Variants in PDE8A observed in about 807,000 individuals in gnomAD.
PDE8A encodes phosphodiesterase 8A.
A neutral mutation model predicts 105.0 loss-of-function variants in PDE8A; 59 were observed. That is an observed-to-expected ratio of 0.56 (90% CI 0.46 to 0.70). The LOEUF (loss-of-function observed/expected upper bound fraction) is 0.70, where lower values mean the gene tolerates loss of function less well. PDE8A is among the 30% of genes least tolerant of loss of function. The probability of loss-of-function intolerance (pLI) is 0.00; values close to 1 mark genes in which losing one functional copy is unlikely to be tolerated. For missense variants in PDE8A, 1,014 were observed against 1,045.9 expected (o/e 0.97, Z 0.42); for synonymous variants, 355 against 371.9 (o/e 0.95, Z 0.52).
intron 20 of PDE8A, among the ~76,000 whole-genome samples, chr15:85,135,002 G>T (rs1332299262): frequency 6.6e-6 from 1 of 152,180 alleles, no homozygotes; most frequent in Non-Finnish European, 1.5e-5. Flanking sequence ...CTGCGGTGGG[G>T]GGAGAGAGAT....
intron 1 of PDE8A, among the ~76,000 whole-genome samples, chr15:85,047,902 T>A (rs1475207081): frequency 1.3e-5 from 2 of 152,202 alleles, no homozygotes; most frequent in Non-Finnish European, 2.9e-5. Flanking sequence ...ATTTAAACAA[T>A]TCATTATTGT....
intron 1 of PDE8A, among the ~76,000 whole-genome samples, chr15:85,030,113 A>G (rs1053929294): frequency 2.0e-5 from 3 of 151,874 alleles, no homozygotes; most frequent in Non-Finnish European, 2.9e-5. Context: ...TTGAGCTCCA[A>G]CCTCCCTTTG....
At chr15:85,053,516 C>T (rs1271040934) in intron 1 of PDE8A, among the ~76,000 whole-genome samples, 1 of 152,160 alleles carries the variant, frequency 6.6e-6, no homozygotes, top group Non-Finnish European at 1.5e-5. Context: ...GTTTGTAGTT[C>T]TCCTTGAAGA....
In PDE8A at chr15:85,016,943, A is replaced by C. The variant is rs576051394; in HGVS notation, c.186+34595A>C. Among the ~76,000 whole-genome samples, 18 of 149,066 alleles carry C rather than the reference A, an allele frequency of 1.2e-4. 1 individual carries two copies. In the South Asian group the frequency reaches 1.5e-3, roughly 12 times the overall value. The stretch of plus-strand genomic sequence containing the variant: ...TTCTCTTCCATTATGTTTCTAACTG[A>C]ATTTCCCTTTTTTTTTTTTTTAATA... On this transcript the variant is annotated intron_variant, in intron 1 of 21. Coordinates refer to ENST00000394553, the MANE Select transcript of PDE8A (RefSeq NM_002605.3).
chr15:84,989,174 T>C (rs551032245), intron 1 of PDE8A, among the ~76,000 whole-genome samples: 1 of 152,216 alleles, frequency 6.6e-6, no homozygotes, highest in African/African-American at 2.4e-5. Flanking sequence ...GTCAGAGAGC[T>C]GTTTTGACAA....
intron 1 of PDE8A, among the ~76,000 whole-genome samples, chr15:85,052,999 A>G (rs1895291902): frequency 1.3e-5 from 2 of 151,992 alleles, no homozygotes; most frequent in Admixed American, 6.6e-5. Context: ...ATTTTTGCGT[A>G]AGGTGTAAGG....
Position 85,132,746 on chromosome 15 carries a change from C to T in PDE8A, c.2254-3788C>T, listed in dbSNP as rs149442603. Among the ~76,000 whole-genome samples, 26 of 152,250 alleles carry T rather than the reference C, an allele frequency of 1.7e-4. No homozygotes were observed. In the East Asian group the frequency reaches 1.7e-3, roughly 10 times the overall value. On this transcript the variant is annotated intron_variant, in intron 20 of 21. Transcript: ENST00000394553. ...TGCTAGGATTACAGGTGTGAACCACCGCACCTGGCTTGTTAGGTTACTTTT... is the reference window on the plus strand; with the variant it reads ...TGCTAGGATTACAGGTGTGAACCACTGCACCTGGCTTGTTAGGTTACTTTT...
chr15:85,120,274 C>G (rs1330811508), intron 17 of PDE8A: 1 of 152,020 alleles, frequency 6.6e-6, no homozygotes, highest in Non-Finnish European at 1.5e-5. Flanking sequence ...AGGAATTTTT[C>G]CATGTTACAT....
intron 1 of PDE8A, among the ~76,000 whole-genome samples, chr15:85,007,403 C>T (rs1443840556): frequency 6.7e-6 from 1 of 150,254 alleles, no homozygotes; most frequent in Non-Finnish European, 1.5e-5. Context: ...TGGGAGGGGA[C>T]ACAGGGCGGC....
intron 11 of PDE8A, among the ~76,000 whole-genome samples, chr15:85,108,848 TTATC>T: frequency 6.6e-6 from 1 of 152,298 alleles, no homozygotes; most frequent in Non-Finnish European, 1.5e-5. Context: ...AAGCCCTTGT[TTATC>T]TGTGCACCTG....
intron 1 of PDE8A, among the ~76,000 whole-genome samples, chr15:85,046,261 C>A (rs2080886383): frequency 6.6e-6 from 1 of 151,966 alleles, no homozygotes; most frequent in Non-Finnish European, 1.5e-5. Context: ...GTTGGCTAGG[C>A]TGGTCTTGAG....
intron 1 of PDE8A, among the ~76,000 whole-genome samples, chr15:85,013,405 T>C (rs895654699): frequency 6.6e-6 from 1 of 152,220 alleles, no homozygotes. Flanking sequence ...GTTTTTGAGA[T>C]TAACTGAGAT....
At position 85,121,998 on chromosome 15, in the gene PDE8A, C is replaced by G. The variant is rs1047717634; in HGVS notation, c.1952+984C>G. 2.0e-5 allele frequency among the ~76,000 whole-genome samples: 3 copies of G among 152,144 alleles called. No individual in the cohort carries two copies. The South Asian group carries it at 6.2e-4, about 32-fold the overall frequency. ...CTGATATCTTGAGCTCTTAGAGACT[C>G]AAAGAAGCAGTCATCTATCTCTCTC... On this transcript the variant is annotated intron_variant, in intron 18 of 21. Transcript: ENST00000394553.
At chr15:85,001,801 G>T (rs376404465) in intron 1 of PDE8A, among the ~76,000 whole-genome samples, 1 of 152,172 alleles carries the variant, frequency 6.6e-6, no homozygotes, top group African/African-American at 2.4e-5. Flanking sequence ...TTATTAAAGC[G>T]TGGGTCACTA....
chr15:85,082,038 A>G (rs1567271795), intron 5 of PDE8A, among the ~76,000 whole-genome samples: 2 of 152,086 alleles, frequency 1.3e-5, no homozygotes, highest in South Asian at 4.2e-4. Flanking sequence ...CCCCGATTCC[A>G]TGTCTCCTGG....
At chr15:85,046,699 G>A (rs541605531) in intron 1 of PDE8A, among the ~76,000 whole-genome samples, 1 of 152,228 alleles carries the variant, frequency 6.6e-6, no homozygotes, top group South Asian at 2.1e-4. Flanking sequence ...TAAAAACAAA[G>A]CAGGCAAGGG....
intron 1 of PDE8A, among the ~76,000 whole-genome samples, chr15:85,031,946 G>A (rs2080623035): frequency 6.6e-6 from 1 of 152,118 alleles, no homozygotes; most frequent in South Asian, 2.1e-4. Flanking sequence ...ATATTTTTGC[G>A]AATAACATTC....
intron 1 of PDE8A, among the ~76,000 whole-genome samples, chr15:85,010,873 T>C (rs185376922): frequency 1.8e-3 from 111 of 63,348 alleles, no homozygotes; most frequent in African/African-American, 8.6e-3. Context: ...CTTAACCTAG[T>C]TCTGTGTTTC....
chr15:85,054,434 G>C (rs1286776116), intron 1 of PDE8A, among the ~76,000 whole-genome samples: 1 of 152,176 alleles, frequency 6.6e-6, no homozygotes, highest in African/African-American at 2.4e-5. Context: ...ATTCAGCTGT[G>C]AATCCATCAG....
Sources: gnomAD v4.1 joint callset for allele counts (sites outside exome capture counted in the v4.1 genomes callset) on GRCh38, gnomAD v4.1.1 for gene constraint, MANE v1.5 for transcripts, NCBI Gene and HGNC (gene_info 2026-07-23, HGNC 2026-07-21) for gene names.